The following OPA3 variants were observed in gnomAD, a reference collection of about 807,000 sequenced individuals.
OPA3 encodes the protein optic atrophy 3 protein.
Under a neutral mutation model 4.0 loss-of-function variants are expected in OPA3, and 6 were observed. The observed-to-expected ratio is 1.51, with a 90% confidence interval of 0.83 to 2.99. The LOEUF (loss-of-function observed/expected upper bound fraction) is 2.99, where lower values mean the gene tolerates loss of function less well. Among genes scored for constraint, OPA3 ranks in the 30% most tolerant of loss-of-function variants. The pLI is 0.00. For missense variants in OPA3, 235 were observed against 256.2 expected (o/e 0.92, Z 0.56); for synonymous variants, 105 against 117.1 (o/e 0.90, Z 0.67).
rs1193941925 is a variant in OPA3, at chr19:45,548,652, ATTTTT to A, written c.*4857_*4861del. 57 of 818,564 alleles carry A rather than the reference ATTTTT, an allele frequency of 7.0e-5. No homozygotes were observed. Among genetic ancestry groups the A allele is most frequent in the South Asian group, 2.4e-4 (4 of 16,840 alleles). 50.7% of individuals were successfully genotyped at this position (818,564 alleles called of 1,614,324 possible). A position where few individuals can be genotyped will look rare whatever the true frequency, so the allele number is the denominator to read the frequency against. ...GGTAACTCAGTGAGTTTTGTGTTTT[ATTTTT>A]TTTATTTTTTTTTTTTTTGCGGGAG... On this transcript the variant is annotated 3_prime_UTR_variant, in exon 2 of 2. Coordinates refer to ENST00000263275, the MANE Select transcript of OPA3 (RefSeq NM_025136.4).
chr19:45,549,580 A>C lies in OPA3; in HGVS notation c.*3934T>G. 3.5e-6 allele frequency: 3 copies of C among 847,340 alleles called. No homozygotes were observed. Among genetic ancestry groups the C allele is most frequent in the Non-Finnish European group, 4.3e-6 (3 of 704,210 alleles). The allele number at this position is 847,340 out of a possible 1,614,324, so 52.5% of individuals were successfully genotyped here. A position where few individuals can be genotyped will look rare whatever the true frequency, so the allele number is the denominator to read the frequency against. ...ACTGCAACCTCCACCTCCTGGGTTC[A>C]AGCAATTCTCGTGCCTCAGCCTCCC... On this transcript the variant is annotated 3_prime_UTR_variant, in exon 2 of 2. Transcript: ENST00000263275.
intron 1 of OPA3, among the ~76,000 whole-genome samples, chr19:45,564,299 G>C (rs548051985): frequency 7.0e-5 from 1 of 14,192 alleles, no homozygotes; most frequent in East Asian, 0.011. Context: ...ACCCTGGAAG[G>C]GGGGCAGGTA....
At chr19:45,572,518 G>GAT (rs889178270) in intron 1 of OPA3, among the ~76,000 whole-genome samples, 3 of 123,306 alleles carry the variant, frequency 2.4e-5, no homozygotes. Context: ...TCATATATGA[G>GAT]ATATGAGATA....
intron 1 of OPA3, among the ~76,000 whole-genome samples, chr19:45,538,100 C>CAAAAAA (rs1178598021): frequency 2.6e-5 from 1 of 38,176 alleles, no homozygotes; most frequent in Non-Finnish European, 5.3e-5. Flanking sequence ...GGCTCCATAT[C>CAAAAAA]AAAAAAAAAA....
At chr19:45,579,402 G>C (rs1425771879) in intron 1 of OPA3, among the ~76,000 whole-genome samples, 1 of 152,006 alleles carries the variant, frequency 6.6e-6, no homozygotes, top group Non-Finnish European at 1.5e-5. Context: ...TGTATTTTTA[G>C]TAGAGATGGG....
In OPA3 at chr19:45,548,873, G is replaced by A. The variant is rs964732091; in HGVS notation, c.*4641C>T. On this transcript the variant is annotated 3_prime_UTR_variant, in exon 2 of 2. Transcript: ENST00000263275. ...GGCTGGAGTATAATGGCATGATCTC[G>A]GCTCACTGCAACCTCCGCCTCCCGG... The A allele has an allele frequency of 1.2e-5, 6 of 486,382 alleles. No homozygotes were observed. The highest frequency in any genetic ancestry group is 8.8e-5 in the South Asian group (1 of 11,374). 30.1% of individuals were successfully genotyped at this position (486,382 alleles called of 1,614,324 possible).
At chr19:45,543,318 A>AT (rs1269763740), downstream of OPA3, among the ~76,000 whole-genome samples, 12 of 122,832 alleles carry the variant, frequency 9.8e-5, no homozygotes, top group South Asian at 3.1e-3. Context: ...GCCTATTTTT[A>AT]TTTTTAATTT....
intron 1 of OPA3, among the ~76,000 whole-genome samples, chr19:45,539,217 T>A (rs916514295): frequency 6.6e-6 from 1 of 152,108 alleles, no homozygotes; most frequent in Non-Finnish European, 1.5e-5. Context: ...CTATATCAGT[T>A]GTAGGGTAAC....
At chr19:45,576,147 C>T (rs1033236575) in intron 1 of OPA3, among the ~76,000 whole-genome samples, 2 of 152,094 alleles carry the variant, frequency 1.3e-5, no homozygotes, top group Admixed American at 6.6e-5. Flanking sequence ...CGCTTGAAAC[C>T]GGGATGCAGA....
downstream of OPA3, among the ~76,000 whole-genome samples, chr19:45,541,741 A>G (rs1969188066): frequency 6.6e-6 from 1 of 151,834 alleles, no homozygotes; most frequent in East Asian, 1.9e-4. Flanking sequence ...ATTTTAAAAC[A>G]TTTTATAGAA....
exon 2 of OPA3, chr19:45,529,095 C>A (rs757418839): frequency 1.3e-6 from 2 of 1,599,652 alleles, no homozygotes; most frequent in Admixed American, 1.7e-5. Flanking sequence ...GTGCAGGCGG[C>A]GGGTCTCGGA....
At chr19:45,572,781 CTA>C (rs60247518) in intron 1 of OPA3, among the ~76,000 whole-genome samples, 1 of 89,970 alleles carries the variant, frequency 1.1e-5, no homozygotes. Flanking sequence ...ATATATCATA[CTA>C]TATATAGATA....
rs780614894 is a variant in OPA3, at chr19:45,529,343, C to G, written c.256G>C (p.Glu86Gln). The change falls in exon 2 of 2, where the codon GAG (glutamate) becomes CAG (glutamine). Residue 86 changes from glutamate to glutamine, a missense_variant. Transcript: ENST00000323060. ...CAGGCGGTGATGAAGATGATGCCCT[C>G]GCCCAGCAGCTCCGCGCCCAGCTCG... 3 of 1,614,196 alleles carry G rather than the reference C, an allele frequency of 1.9e-6. No individual in the cohort carries two copies. The South Asian group carries it at 3.3e-5, about 18-fold the overall frequency.
intron 1 of OPA3, among the ~76,000 whole-genome samples, chr19:45,577,141 A>T (rs570498953): frequency 6.6e-6 from 1 of 152,328 alleles, no homozygotes; most frequent in African/African-American, 2.4e-5. Flanking sequence ...TAAACAAAGG[A>T]ATTCTGTGTT....
In OPA3 at chr19:45,550,376, A is replaced by G. The variant is rs1018876527; in HGVS notation, c.*3138T>C. On this transcript the variant is annotated 3_prime_UTR_variant, in exon 2 of 2. Transcript: ENST00000263275. ...ATGGTCACCCAGTTTACACAATGCT[A>G]TGATCTCTGGTGTGATCTGGGGCTG... 2.8e-5 allele frequency: 27 copies of G among 955,304 alleles called. No homozygotes were observed. Among genetic ancestry groups the G allele is most frequent in the South Asian group, 5.0e-5 (1 of 20,088 alleles). The allele number at this position is 955,304 out of a possible 1,614,324, so 59.2% of individuals were successfully genotyped here.
At chr19:45,557,136 C>T (rs1236696880) in intron 1 of OPA3, among the ~76,000 whole-genome samples, 1 of 152,130 alleles carries the variant, frequency 6.6e-6, no homozygotes, top group African/African-American at 2.4e-5. Flanking sequence ...AGGTTCCCAG[C>T]GTGGAAATGC....
chr19:45,544,771 G>A (rs554802717), downstream of OPA3, among the ~76,000 whole-genome samples: 5 of 149,968 alleles, frequency 3.3e-5, no homozygotes, highest in Admixed American at 3.3e-4. Context: ...TCCAGCCTGG[G>A]CAACAAGAGC....
exon 2 of OPA3, chr19:45,528,959 G>C: frequency 7.0e-7 from 1 of 1,422,062 alleles, no homozygotes; most frequent in South Asian, 1.4e-5. Context: ...GGTGTCAGCT[G>C]GGCCGGTCCA....
At chr19:45,542,638 T>C (rs1165977997), downstream of OPA3, among the ~76,000 whole-genome samples, 1 of 151,108 alleles carries the variant, frequency 6.6e-6, no homozygotes, top group Non-Finnish European at 1.5e-5. Flanking sequence ...AACCTCATTA[T>C]GTGGTACAGT....
Sources: gnomAD v4.1 joint callset for allele counts (sites outside exome capture counted in the v4.1 genomes callset) on GRCh38, gnomAD v4.1.1 for gene constraint, MANE v1.5 for transcripts, NCBI Gene and HGNC (gene_info 2026-07-23, HGNC 2026-07-21) for gene names.